Variants in PSEN1 observed in about 807,000 individuals in gnomAD.
The protein encoded by PSEN1 is presenilin 1.
A neutral mutation model predicts 53.5 loss-of-function variants in PSEN1; 15 were observed. That is an observed-to-expected ratio of 0.28 (90% CI 0.19 to 0.43). The LOEUF is 0.43. PSEN1 is among the 20% of genes least tolerant of loss of function. The probability of loss-of-function intolerance (pLI) is 1.00; values close to 1 mark genes in which losing one functional copy is unlikely to be tolerated. For missense variants in PSEN1, 387 were observed against 571.2 expected (o/e 0.68, Z 3.29); for synonymous variants, 208 against 209.8 (o/e 0.99, Z 0.08).
At chr14:73,187,940 A>G (rs951948148) in intron 6 of PSEN1, among the ~76,000 whole-genome samples, 1 of 151,956 alleles carries the variant, frequency 6.6e-6, no homozygotes, top group African/African-American at 2.4e-5. Context: ...AAAGAATAAT[A>G]CTTTTTTTTT....
At position 73,222,608 on chromosome 14, in the gene PSEN1, C is replaced by T. The variant is rs575122322; in HGVS notation, c.*3319C>T. 6.6e-6 allele frequency: 1 copy of T among 152,160 alleles called. No homozygotes were observed. Among genetic ancestry groups the T allele is most frequent in the South Asian group, 2.1e-4 (1 of 4,806 alleles). 9.4% of individuals were successfully genotyped at this position (152,160 alleles called of 1,614,324 possible). ...AATTTGTTCAGTGTTTTCTGTGTTC[C>T]CGTAGGTTCTGGAGTCTGAGGATGC... On this transcript the variant is annotated 3_prime_UTR_variant, in exon 12 of 12. Transcript: ENST00000324501.
chr14:73,172,244 T>C (rs1330059361), intron 4 of PSEN1, among the ~76,000 whole-genome samples: 1 of 152,096 alleles, frequency 6.6e-6, no homozygotes, highest in Non-Finnish European at 1.5e-5. Context: ...TCTCATGGGG[T>C]CCAAAGAAGA....
chr14:73,172,430 A>G (rs362340), intron 4 of PSEN1, among the ~76,000 whole-genome samples: 13,359 of 152,290 alleles, frequency 0.088, 690 homozygotes, highest in Middle Eastern at 0.21. Context: ...AGGTTTGGCA[A>G]CGTATTATAG....
At chr14:73,165,248 G>A (rs968319402) in intron 3 of PSEN1, among the ~76,000 whole-genome samples, 4 of 152,000 alleles carry the variant, frequency 2.6e-5, no homozygotes, top group Non-Finnish European at 5.9e-5. Context: ...GAGCCACCAC[G>A]CCCGGCCCAA....
chr14:73,208,594 C>T (rs1012936243), intron 9 of PSEN1, among the ~76,000 whole-genome samples: 2 of 152,208 alleles, frequency 1.3e-5, no homozygotes, highest in Non-Finnish European at 2.9e-5. Context: ...CTTCTTTCTG[C>T]AGGCAGGTTG....
intron 5 of PSEN1, among the ~76,000 whole-genome samples, chr14:73,180,873 A>G (rs558739735): frequency 4.6e-5 from 7 of 152,260 alleles, no homozygotes; most frequent in Non-Finnish European, 1.0e-4. Flanking sequence ...CTTTGTCAAG[A>G]TTAGTCTTTT....
At chr14:73,186,751 T>C (rs1406750880) in intron 5 of PSEN1, 102 bp from the exon 6 acceptor site, 1 of 955,984 alleles carries the variant, frequency 1.0e-6, no homozygotes, top group Non-Finnish European at 1.7e-6. Context: ...CACTCCAGTC[T>C]GGGCGACAAA....
At chr14:73,140,617 A>AT (rs1446619633) in intron 1 of PSEN1, among the ~76,000 whole-genome samples, 1 of 151,796 alleles carries the variant, frequency 6.6e-6, no homozygotes, top group Admixed American at 6.6e-5. Context: ...TAGCTTAATA[A>AT]TTTGTTTGCT....
chr14:73,215,163 G>A (rs1899861601), intron 10 of PSEN1, among the ~76,000 whole-genome samples: 3 of 151,860 alleles, frequency 2.0e-5, no homozygotes, highest in African/African-American at 4.8e-5. Flanking sequence ...GTTTCACCAT[G>A]TTGGCCAGGC....
At chr14:73,171,955 C>T (rs1000623228) in intron 4 of PSEN1, among the ~76,000 whole-genome samples, 101 of 152,162 alleles carry the variant, frequency 6.6e-4, no homozygotes, top group African/African-American at 2.3e-3. Flanking sequence ...TCCTTTCTCA[C>T]TTGTCACAAT....
intron 9 of PSEN1, among the ~76,000 whole-genome samples, chr14:73,209,513 C>A (rs1052222503): frequency 3.9e-5 from 6 of 152,158 alleles, no homozygotes; most frequent in Non-Finnish European, 5.9e-5. Context: ...CAGATGTTGA[C>A]TGAGCACCTG....
intron 3 of PSEN1, chr14:73,169,118 C>G (rs887937778): frequency 6.6e-6 from 1 of 152,158 alleles, no homozygotes; most frequent in African/African-American, 2.4e-5. Flanking sequence ...TTTGTAAAAC[C>G]CTTGATGAAC....
chr14:73,179,991 A>T (rs568455702), intron 5 of PSEN1, among the ~76,000 whole-genome samples: 14 of 147,964 alleles, frequency 9.5e-5, no homozygotes, highest in African/African-American at 1.7e-4. Flanking sequence ...ATTTTATTTT[A>T]TTTTTTTTTT....
At chr14:73,160,731 T>C (rs1208619165) in intron 3 of PSEN1, among the ~76,000 whole-genome samples, 1 of 151,870 alleles carries the variant, frequency 6.6e-6, no homozygotes, top group Non-Finnish European at 1.5e-5. Context: ...TTTGAAGAAA[T>C]ATCTGTTCAA....
At chr14:73,142,225 G>A (rs1024199677) in intron 1 of PSEN1, among the ~76,000 whole-genome samples, 3 of 152,154 alleles carry the variant, frequency 2.0e-5, no homozygotes, top group Non-Finnish European at 4.4e-5. Context: ...AAGTTGGGCC[G>A]CCTGTCCAGG....
In PSEN1 at chr14:73,198,053, G is replaced by T. The variant is rs150301281; in HGVS notation, c.792G>T (p.Pro264=). 2.1e-5 allele frequency: 34 copies of T among 1,610,342 alleles called. No individual in the cohort carries two copies. The Middle Eastern group carries it at 8.2e-4, about 39-fold the overall frequency. Residue 264 remains proline (P), a synonymous_variant, in exon 8 of 12, where the codon CCG becomes CCT. Transcript: ENST00000324501. ...SVYDLVAVLC[P]KGPLRMLVET... The stretch of plus-strand genomic sequence containing the variant: ...TAGATTTAGTGGCTGTTTTGTGTCC[G>T]AAAGGTCCACTTCGTATGCTGGTTG...
intron 3 of PSEN1, among the ~76,000 whole-genome samples, chr14:73,165,437 CAT>C (rs942589174): frequency 1.3e-5 from 2 of 152,166 alleles, no homozygotes; most frequent in South Asian, 2.1e-4. Flanking sequence ...TTCCTGAAAA[CAT>C]AATCAGTTTT....
chr14:73,218,793 G>T (rs567820463), intron 11 of PSEN1, among the ~76,000 whole-genome samples: 2 of 151,424 alleles, frequency 1.3e-5, no homozygotes, highest in South Asian at 4.2e-4. Flanking sequence ...TTTTTAACCA[G>T]CCAAACTAAA....
At chr14:73,185,361 C>T (rs1016835345) in intron 5 of PSEN1, among the ~76,000 whole-genome samples, 8 of 152,028 alleles carry the variant, frequency 5.3e-5, no homozygotes, top group African/African-American at 1.4e-4. Context: ...CCCGGCACCT[C>T]GGGAGGCCGA....
Sources: gnomAD v4.1 joint callset for allele counts (sites outside exome capture counted in the v4.1 genomes callset) on GRCh38, gnomAD v4.1.1 for gene constraint, MANE v1.5 for transcripts, NCBI Gene and HGNC (gene_info 2026-07-23, HGNC 2026-07-21) for gene names.